MAP7: variants seen among roughly 807,000 people sequenced by gnomAD.
MAP7 encodes the protein microtubule associated protein 7, also known as ensconsin.
MAP7 carries 52 observed loss-of-function variants against 94.8 expected under a neutral mutation model. That is an observed-to-expected ratio of 0.55 (90% CI 0.44 to 0.69). The LOEUF is 0.69. MAP7 is among the 30% of genes least tolerant of loss of function. The pLI is 0.00. For synonymous variants in MAP7, 350 were observed against 357.0 expected, an observed-to-expected ratio of 0.98 and a Z score of 0.22; for missense variants, 940 against 964.6, an observed-to-expected ratio of 0.97 and a Z score of 0.34.
At position 136,531,715 on chromosome 6, in the gene MAP7, T is replaced by G. The variant is rs1034857609; in HGVS notation, c.67+18627A>C. ...AGGGATAGACGTAAAAACAGGAATA[T>G]GAGAATCAATCATGTTTGTGTTTTT... On this transcript the variant is annotated intron_variant, in intron 1 of 17. Transcript: ENST00000354570. 2.4e-4 allele frequency among the ~76,000 whole-genome samples: 29 copies of G among 122,432 alleles called. 6 individuals carry two copies. The highest frequency in any genetic ancestry group is 1.3e-3 in the African/African-American group (24 of 18,380). The allele number at this position is 122,432 out of a possible 152,430, so 80.3% of individuals were successfully genotyped here.
At chr6:136,365,452 T>C (rs1158145806) in intron 10 of MAP7, among the ~76,000 whole-genome samples, 1 of 152,214 alleles carries the variant, frequency 6.6e-6, no homozygotes, top group Non-Finnish European at 1.5e-5. Flanking sequence ...GAAAAAATTC[T>C]GACTTCTATC....
intron 1 of MAP7, among the ~76,000 whole-genome samples, chr6:136,540,213 G>C (rs1207619533): frequency 6.6e-6 from 1 of 152,106 alleles, no homozygotes; most frequent in African/African-American, 2.4e-5. Context: ...CACACGGAAG[G>C]GAAAAGGTCG....
chr6:136,360,817 C>A lies in MAP7; in HGVS notation c.1702-19G>T. The stretch of plus-strand genomic sequence containing the variant: ...CTTCTTTCTGAAAACAGAAGGTCGG[C>A]GTCTGCCTCTGACAAACAGGCGGGC... On this transcript the variant is annotated intron_variant, in intron 12 of 17. Transcript: ENST00000354570. 6.2e-7 allele frequency: 1 copy of A among 1,611,668 alleles called. No homozygotes were observed. Among genetic ancestry groups the A allele is most frequent in the South Asian group, 1.1e-5 (1 of 91,054 alleles).
At chr6:136,452,252 TGAG>T (rs551203144) in intron 1 of MAP7, among the ~76,000 whole-genome samples, 91 of 136,916 alleles carry the variant, frequency 6.6e-4, no homozygotes, top group African/African-American at 2.3e-3. Flanking sequence ...CTTGAATGGA[TGAG>T]GAGTTGTTTC....
chr6:136,393,964 T>A (rs868816648), intron 3 of MAP7, among the ~76,000 whole-genome samples: 2 of 145,572 alleles, frequency 1.4e-5, no homozygotes, highest in Non-Finnish European at 3.0e-5. Flanking sequence ...TTCTGATATC[T>A]CTGCAGCAAA....
rs536590244 is a variant in MAP7, at chr6:136,360,806, C to G, written c.1702-8G>C. The G allele has an allele frequency of 7.3e-5, 117 of 1,613,420 alleles. No individual in the cohort carries two copies. In the South Asian group the frequency reaches 1.2e-3, roughly 17 times the overall value. ...GCGAGCTTCTTCTTCTTTCTGAAAA[C>G]AGAAGGTCGGCGTCTGCCTCTGACA... On this transcript the variant is annotated splice_polypyrimidine_tract_variant and splice_region_variant and intron_variant, in intron 12 of 17. Coordinates refer to ENST00000354570, the MANE Select transcript of MAP7 (RefSeq NM_003980.6).
At chr6:136,514,937 G>A (rs957646347) in intron 1 of MAP7, among the ~76,000 whole-genome samples, 1 of 152,168 alleles carries the variant, frequency 6.6e-6, no homozygotes, top group Non-Finnish European at 1.5e-5. Flanking sequence ...CCTGTTCTTC[G>A]AAGCCAGGCA....
chr6:136,345,288 T>C (rs907220972), intron 17 of MAP7, among the ~76,000 whole-genome samples: 2 of 152,216 alleles, frequency 1.3e-5, no homozygotes, highest in Non-Finnish European at 2.9e-5. Context: ...TTTAACAAGT[T>C]AAGATCTTTA....
intron 1 of MAP7, among the ~76,000 whole-genome samples, 155 bp from the exon 2 acceptor site, chr6:136,421,954 C>T (rs1791512532): frequency 6.6e-6 from 1 of 152,194 alleles, no homozygotes; most frequent in Non-Finnish European, 1.5e-5. Flanking sequence ...CCTGTGCCCT[C>T]AAGGAGTAGG....
chr6:136,461,576 G>A (rs926180215), intron 1 of MAP7, among the ~76,000 whole-genome samples: 8 of 152,112 alleles, frequency 5.3e-5, no homozygotes, highest in African/African-American at 1.7e-4. Flanking sequence ...GGCCACATGA[G>A]TTTATTGTCT....
chr6:136,381,065 C>T (rs555563469), intron 6 of MAP7, among the ~76,000 whole-genome samples: 5 of 152,180 alleles, frequency 3.3e-5, no homozygotes, highest in Non-Finnish European at 5.9e-5. Flanking sequence ...TCTATAAGGT[C>T]CTCTAATTTA....
At chr6:136,499,228 C>T (rs1057298310) in intron 1 of MAP7, among the ~76,000 whole-genome samples, 5 of 152,076 alleles carry the variant, frequency 3.3e-5, no homozygotes, top group Non-Finnish European at 7.3e-5. Context: ...CCTGAGATTT[C>T]TTAGCTCTGG....
chr6:136,545,540 C>T (rs917604301), intron 1 of MAP7: 2 of 152,214 alleles, frequency 1.3e-5, no homozygotes, highest in African/African-American at 4.8e-5. Context: ...AATGTACTAG[C>T]CTCTCAGTTT....
At chr6:136,487,089 T>A (rs762040710) in intron 1 of MAP7, among the ~76,000 whole-genome samples, 1 of 151,918 alleles carries the variant, frequency 6.6e-6, no homozygotes, top group East Asian at 1.9e-4. Context: ...ATCAAAAACA[T>A]AAAATAAACC....
intron 1 of MAP7, among the ~76,000 whole-genome samples, chr6:136,458,022 G>T (rs1315731332): frequency 6.6e-6 from 1 of 151,996 alleles, no homozygotes; most frequent in African/African-American, 2.4e-5. Flanking sequence ...GATCTTATTT[G>T]TAAAAAAAAC....
intron 3 of MAP7, among the ~76,000 whole-genome samples, chr6:136,401,479 T>C (rs1392521772): frequency 6.6e-6 from 1 of 152,190 alleles, no homozygotes; most frequent in Non-Finnish European, 1.5e-5. Flanking sequence ...TTGTCCTTTG[T>C]AGGGACATGG....
At chr6:136,394,192 C>A (rs759479645) in intron 3 of MAP7, among the ~76,000 whole-genome samples, 1 of 151,900 alleles carries the variant, frequency 6.6e-6, no homozygotes. Context: ...ACCGTGTTAG[C>A]CAAGATGGTC....
intron 1 of MAP7, among the ~76,000 whole-genome samples, chr6:136,518,893 T>C (rs978452583): frequency 6.6e-6 from 1 of 152,248 alleles, no homozygotes; most frequent in African/African-American, 2.4e-5. Context: ...TCAGCTCTTT[T>C]AGCTCCATCA....
chr6:136,489,424 G>A (rs1815835451), intron 1 of MAP7, among the ~76,000 whole-genome samples: 1 of 150,842 alleles, frequency 6.6e-6, no homozygotes, highest in Admixed American at 6.6e-5. Context: ...GCCTAGGCCT[G>A]TAACTTTGTC....
Sources: gnomAD v4.1 joint callset for allele counts (sites outside exome capture counted in the v4.1 genomes callset) on GRCh38, gnomAD v4.1.1 for gene constraint, MANE v1.5 for transcripts, NCBI Gene and HGNC (gene_info 2026-07-23, HGNC 2026-07-21) for gene names.